The following CEP120 variants were observed in gnomAD, a reference collection of about 807,000 sequenced individuals.
CEP120 encodes centrosomal protein of 120 kDa.
In CEP120, 113 loss-of-function variants were observed where a neutral mutation model predicts 126.5. The observed-to-expected ratio is 0.89, with a 90% CI of 0.77 to 1.04. CEP120 has a LOEUF of 1.04. Among genes scored for constraint, CEP120 ranks in the 50% least tolerant of loss-of-function variants. CEP120 has a pLI of 0.00. For synonymous variants in CEP120, 400 were observed against 394.3 expected, an observed-to-expected ratio of 1.01 and a Z score of -0.17; for missense variants, 1,230 against 1,155.7, an observed-to-expected ratio of 1.06 and a Z score of -0.93.
rs183259300 is a variant in CEP120, at chr5:123,422,860, G to C, written c.49+90C>G. 389 of 1,181,724 alleles carry C rather than the reference G, an allele frequency of 3.3e-4. 2 individuals are homozygous for C. The African/African-American group carries it at 5.5e-3, about 17-fold the overall frequency. 73.2% of individuals were successfully genotyped at this position (1,181,724 alleles called of 1,614,324 possible). On this transcript the variant is annotated intron_variant, in intron 1 of 19. Transcript: ENST00000306467. Reference sequence around the variant, plus strand: ...GGGACCACAAAAGCACAGATGACAGGGTTCTTAAGGTTAACAAGGCCTCGG... The same window carrying C: ...GGGACCACAAAAGCACAGATGACAGCGTTCTTAAGGTTAACAAGGCCTCGG...
chr5:123,415,096 G>A (rs1202437545), intron 3 of CEP120, among the ~76,000 whole-genome samples: 1 of 151,888 alleles, frequency 6.6e-6, no homozygotes, highest in East Asian at 1.9e-4. Context: ...GGGGCAGAGA[G>A]GTACTGGTTA....
chr5:123,401,587 G>T lies in CEP120; in HGVS notation c.464-2303C>A, dbSNP rs547087461. On this transcript the variant is annotated intron_variant, in intron 4 of 19. Transcript: ENST00000306467. ...CGATGACGCTGTTCATGTCCAGGGA[G>T]CGGCTGTTGTCCATGGACAGCACCA... is the stretch of plus-strand genomic sequence containing the variant. 9.9e-6 allele frequency: 14 copies of T among 1,407,666 alleles called. No homozygotes were observed. The Admixed American group carries it at 1.8e-4, about 19-fold the overall frequency. The allele number at this position is 1,407,666 out of a possible 1,614,324, so 87.2% of individuals were successfully genotyped here.
In CEP120 at chr5:123,394,561, C is replaced by T. The variant is rs760229080; in HGVS notation, c.613-1064G>A. On this transcript the variant is annotated intron_variant, in intron 5 of 19. Coordinates refer to ENST00000306467, the MANE Select transcript of CEP120 (RefSeq NM_001375405.1). ...GTTCCTAACAGGCCACAAACCTGTA[C>T]CAGTCCGCAGCCTGAGGGTTGAGGA... Among the ~76,000 whole-genome samples, 9 of 152,296 alleles carry T rather than the reference C, an allele frequency of 5.9e-5. No homozygotes were observed. The South Asian group carries it at 1.9e-3, about 32-fold the overall frequency.
At chr5:123,348,750 T>G (rs951703482) in intron 19 of CEP120, among the ~76,000 whole-genome samples, 4 of 152,154 alleles carry the variant, frequency 2.6e-5, no homozygotes, top group African/African-American at 9.7e-5. Context: ...GTGATGGTAT[T>G]TGGAAATGGA....
intron 18 of CEP120, among the ~76,000 whole-genome samples, chr5:123,350,746 T>C (rs1204376268): frequency 6.6e-6 from 1 of 152,222 alleles, no homozygotes; most frequent in Non-Finnish European, 1.5e-5. Flanking sequence ...GCACATATAT[T>C]CTTAAACAAA....
At chr5:123,362,020 T>C (rs1770115906) in intron 18 of CEP120, among the ~76,000 whole-genome samples, 1 of 151,742 alleles carries the variant, frequency 6.6e-6, no homozygotes, top group Non-Finnish European at 1.5e-5. Flanking sequence ...GGAGTTTATA[T>C]CTTGTTACCT....
At chr5:123,372,896 CTG>C in intron 16 of CEP120, 124 bp from the exon 17 acceptor site, 1 of 717,872 alleles carries the variant, frequency 1.4e-6, no homozygotes, top group East Asian at 3.0e-5. Context: ...ATCTGGAAAA[CTG>C]ATAAAGTACA....
chr5:123,362,211 C>T (rs895531890), intron 18 of CEP120, among the ~76,000 whole-genome samples: 1 of 151,740 alleles, frequency 6.6e-6, no homozygotes, highest in Non-Finnish European at 1.5e-5. Flanking sequence ...CTTTAATTCT[C>T]ATTACCAGAC....
intron 4 of CEP120, chr5:123,403,707 A>C (rs772717307): frequency 3.1e-5 from 13 of 423,556 alleles, no homozygotes; most frequent in African/African-American, 6.3e-5. Context: ...ATAAGATGCA[A>C]TGGGAAGAAC....
At chr5:123,374,942 G>A (rs1562026073) in intron 16 of CEP120, among the ~76,000 whole-genome samples, 1 of 152,092 alleles carries the variant, frequency 6.6e-6, no homozygotes, top group African/African-American at 2.4e-5. Flanking sequence ...ACAAACTACA[G>A]ATTTGAGTTC....
At chr5:123,399,085 T>A (rs753276320) in intron 5 of CEP120, 51 bp downstream of exon 5, 2 of 1,393,876 alleles carry the variant, frequency 1.4e-6, no homozygotes, top group South Asian at 3.7e-5. Context: ...TAAAATGTTT[T>A]ACATAGTTTT....
At position 123,423,018 on chromosome 5, in the gene CEP120, G is replaced by C; in HGVS notation, c.-20C>G. Reference sequence around the variant, plus strand: ...GACCATGGTTGCGGTGAGCGGTCCGGGGGCGAAGGCGGCTGGGGGGAAGTG... The same window carrying C: ...GACCATGGTTGCGGTGAGCGGTCCGCGGGCGAAGGCGGCTGGGGGGAAGTG... On this transcript the variant is annotated 5_prime_UTR_variant, in exon 1 of 20. Coordinates refer to ENST00000306467, the MANE Select transcript of CEP120 (RefSeq NM_001375405.1). 1 of 1,612,896 alleles carries C rather than the reference G, an allele frequency of 6.2e-7. No individual in the cohort carries two copies. The highest frequency in any genetic ancestry group is 8.5e-7 in the Non-Finnish European group (1 of 1,179,026).
At chr5:123,413,421 C>G (rs1774194999) in intron 3 of CEP120, among the ~76,000 whole-genome samples, 1 of 152,036 alleles carries the variant, frequency 6.6e-6, no homozygotes, top group African/African-American at 2.4e-5. Flanking sequence ...GATACTCGAA[C>G]AAAAGCCTTC....
rs552338878 is a variant in CEP120 at position 123,384,423 on chromosome 5, A to T, written c.1763+528T>A. Among the ~76,000 whole-genome samples the T allele has an allele frequency of 2.8e-4, 42 of 152,078 alleles. No homozygotes were observed. The South Asian group carries it at 4.6e-3, about 17-fold the overall frequency. ...TATTTTACTGTATTTAAAATATGTT[A>T]AAAAAACGCAAGTTTTTCTTTGTGG... On this transcript the variant is annotated intron_variant, in intron 11 of 19. Coordinates refer to ENST00000306467, the MANE Select transcript of CEP120 (RefSeq NM_001375405.1).
chr5:123,370,139 C>G (rs1770747701), intron 17 of CEP120, among the ~76,000 whole-genome samples: 1 of 151,946 alleles, frequency 6.6e-6, no homozygotes, highest in South Asian at 2.1e-4. Context: ...ATGAAAATAG[C>G]TATAACATGG....
chr5:123,395,966 GC>G (rs906554170), intron 5 of CEP120, among the ~76,000 whole-genome samples: 72 of 150,654 alleles, frequency 4.8e-4, no homozygotes, highest in African/African-American at 1.7e-3. Flanking sequence ...ACAGATGTGA[GC>G]CACTGAGCCT....
chr5:123,378,773 G>A (rs1007040945), intron 14 of CEP120, among the ~76,000 whole-genome samples: 2 of 152,042 alleles, frequency 1.3e-5, no homozygotes, highest in African/African-American at 4.8e-5. Context: ...CATATGTAGT[G>A]TAAGCAACTA....
chr5:123,375,458 A>G (rs1771144509), intron 16 of CEP120, among the ~76,000 whole-genome samples: 1 of 151,490 alleles, frequency 6.6e-6, no homozygotes, highest in Non-Finnish European at 1.5e-5. Context: ...GAGTAGCTGG[A>G]ACCACAGGTG....
intron 17 of CEP120, among the ~76,000 whole-genome samples, chr5:123,370,333 A>C (rs1770763416): frequency 6.6e-6 from 1 of 151,972 alleles, no homozygotes; most frequent in African/African-American, 2.4e-5. Flanking sequence ...AAAGATTTTG[A>C]AGCTATTCCA....
Sources: gnomAD v4.1 joint callset for allele counts (sites outside exome capture counted in the v4.1 genomes callset) on GRCh38, gnomAD v4.1.1 for gene constraint, MANE v1.5 for transcripts, NCBI Gene and HGNC (gene_info 2026-07-23, HGNC 2026-07-21) for gene names.